SLC2A2: variants seen among roughly 807,000 people sequenced by gnomAD.
SLC2A2 encodes the protein solute carrier family 2, facilitated glucose transporter member 2.
In SLC2A2, 36 loss-of-function variants were observed where a neutral mutation model predicts 54.5. The ratio of observed to expected loss-of-function variants is 0.66; its 90% confidence interval spans 0.51 to 0.87. The LOEUF is 0.87. Ranked by LOEUF, SLC2A2 falls within the 40% of genes least tolerant of loss-of-function variation. The probability of loss-of-function intolerance (pLI) is 0.00; values close to 1 mark genes in which losing one functional copy is unlikely to be tolerated. For synonymous variants in SLC2A2, 223 were observed against 219.1 expected (o/e 1.02, Z -0.16); for missense variants, 543 against 624.3 (o/e 0.87, Z 1.39).
At position 171,021,174 on chromosome 3, in the gene SLC2A2, T is replaced by G. The variant is rs149921082; in HGVS notation, c.16-2551A>C. On this transcript the variant is annotated intron_variant, in intron 1 of 10. Coordinates refer to ENST00000314251, the MANE Select transcript of SLC2A2 (RefSeq NM_000340.2). ...TATTTACTTAGTTGGTGGTTTCTCC[T>G]CAAATCCTTTTTCCCCTCAAGCTAT... Among the ~76,000 whole-genome samples, 259 of 152,296 alleles carry G rather than the reference T, an allele frequency of 1.7e-3. 1 individual carries two copies. The highest frequency in any genetic ancestry group is 6.0e-3 in the African/African-American group (250 of 41,582).
intron 1 of SLC2A2, among the ~76,000 whole-genome samples, chr3:171,020,103 C>A (rs1716382873): frequency 6.6e-6 from 1 of 152,154 alleles, no homozygotes; most frequent in African/African-American, 2.4e-5. Context: ...CAAGCCACTT[C>A]CCTTATAGGA....
intron 4 of SLC2A2, among the ~76,000 whole-genome samples, chr3:171,008,175 A>G (rs969016098): frequency 6.6e-6 from 1 of 152,132 alleles, no homozygotes; most frequent in Non-Finnish European, 1.5e-5. Context: ...TCAAATTGAA[A>G]TGGATGATCT....
chr3:171,005,170 A>C (rs1338762645), intron 7 of SLC2A2, 115 bp downstream of exon 7: 12 of 869,902 alleles, frequency 1.4e-5, no homozygotes, highest in Non-Finnish European at 2.3e-5. Context: ...TGTTATAGCA[A>C]GACCCATGAT....
intron 4 of SLC2A2, among the ~76,000 whole-genome samples, chr3:171,008,220 A>G (rs1715703023): frequency 6.6e-6 from 1 of 152,136 alleles, no homozygotes; most frequent in Admixed American, 6.6e-5. Context: ...TGTTTTCAAA[A>G]TATATTTTTT....
At chr3:171,001,103 C>A (rs1274280237) in intron 8 of SLC2A2, among the ~76,000 whole-genome samples, 1 of 152,008 alleles carries the variant, frequency 6.6e-6, no homozygotes, top group Non-Finnish European at 1.5e-5. Context: ...TCTTAAACAA[C>A]TCCTCCCACA....
rs748683148 is a variant in SLC2A2 at position 171,006,608 on chromosome 3, A to G, written c.613-503T>C. On this transcript the variant is annotated intron_variant, in intron 5 of 10. Coordinates refer to ENST00000314251, the MANE Select transcript of SLC2A2 (RefSeq NM_000340.2). Reference sequence around the variant, plus strand: ...GATGAGAACTGTCTTGGCGATTCCTATGGCAACAGTTTATAGACTACCCTC... The same window carrying G: ...GATGAGAACTGTCTTGGCGATTCCTGTGGCAACAGTTTATAGACTACCCTC... Among the ~76,000 whole-genome samples, 54 of 151,992 alleles carry G rather than the reference A, an allele frequency of 3.6e-4. 1 individual carries two copies. Among genetic ancestry groups the G allele is most frequent in the Non-Finnish European group, 6.2e-4 (42 of 67,950 alleles).
chr3:170,999,680 TA>T (rs1169420138), intron 8 of SLC2A2, among the ~76,000 whole-genome samples: 1 of 152,110 alleles, frequency 6.6e-6, no homozygotes, highest in Non-Finnish European at 1.5e-5. Context: ...TCTCACTGCT[TA>T]ATAAAGTCCT....
At position 171,007,264 on chromosome 3, in the gene SLC2A2, C is replaced by T. The variant is rs754220999; in HGVS notation, c.497-1G>A. 10 of 1,566,440 alleles carry T rather than the reference C, an allele frequency of 6.4e-6. No homozygotes were observed. The highest frequency in any genetic ancestry group is 8.8e-6 in the Non-Finnish European group (10 of 1,137,436). ...ATAGGAACCAGGCCTGAAATTAGCC[C>T]TGCATGAAACATAAACATAAATGTT... On this transcript the variant is annotated splice_acceptor_variant, in intron 4 of 10. Transcript: ENST00000314251. LOFTEE classifies it high-confidence loss of function.
chr3:171,023,807 C>T (rs527525624), intron 1 of SLC2A2, among the ~76,000 whole-genome samples: 5 of 152,290 alleles, frequency 3.3e-5, no homozygotes, highest in Admixed American at 6.5e-5. Flanking sequence ...AGAAGATCTT[C>T]AAGCCTTTTC....
At chr3:171,009,925 G>GTGTGTC in intron 4 of SLC2A2, 33 bp downstream of exon 4, 1 of 1,548,500 alleles carries the variant, frequency 6.5e-7, no homozygotes, top group Non-Finnish European at 8.7e-7. Context: ...GTGTGTGTGT[G>GTGTGTC]TGTGTGTGTG....
At chr3:171,002,191 A>G (rs1715369514) in intron 8 of SLC2A2, among the ~76,000 whole-genome samples, 1 of 151,998 alleles carries the variant, frequency 6.6e-6, no homozygotes, top group Non-Finnish European at 1.5e-5. Flanking sequence ...TAAAAAGAGG[A>G]ATCTAAGTAG....
In SLC2A2 at chr3:170,997,739, T is replaced by TAA; in HGVS notation, c.*162_*163dup. The TAA allele has an allele frequency of 1.5e-6, 1 of 660,752 alleles. No homozygotes were observed. Among genetic ancestry groups the TAA allele is most frequent in the Non-Finnish European group, 2.6e-6 (1 of 387,484 alleles). 40.9% of individuals were successfully genotyped at this position (660,752 alleles called of 1,614,324 possible). On this transcript the variant is annotated 3_prime_UTR_variant, in exon 11 of 11. Coordinates refer to ENST00000314251, the MANE Select transcript of SLC2A2 (RefSeq NM_000340.2). ...ACCATCAAAAATATATTCTCTAACT[T>TAA]AAAAAAATACTTTTTTGGTAATATT...
At chr3:171,009,747 C>T (rs779156175) in intron 4 of SLC2A2, among the ~76,000 whole-genome samples, 7 of 151,950 alleles carry the variant, frequency 4.6e-5, no homozygotes, top group African/African-American at 7.2e-5. Flanking sequence ...TTGCCATGGA[C>T]GAGAACCTTG....
In SLC2A2 at chr3:171,002,503, C is replaced by T. The variant is rs537624254; in HGVS notation, c.1068+73G>A. Reference sequence around the variant, plus strand: ...ATAAGTCATTGATTGCTTTTAGAGCCGAAGTTCCCCACCCCTCCTGCAATT... The same window carrying T: ...ATAAGTCATTGATTGCTTTTAGAGCTGAAGTTCCCCACCCCTCCTGCAATT... On this transcript the variant is annotated intron_variant, in intron 8 of 10. Coordinates refer to ENST00000314251, the MANE Select transcript of SLC2A2 (RefSeq NM_000340.2). The T allele has an allele frequency of 5.7e-5, 54 of 943,220 alleles. No individual in the cohort carries two copies. The Admixed American group carries it at 7.5e-4, about 13-fold the overall frequency. The allele number at this position is 943,220 out of a possible 1,614,324, so 58.4% of individuals were successfully genotyped here. A position where few individuals can be genotyped will look rare whatever the true frequency, so the allele number is the denominator to read the frequency against.
intron 2 of SLC2A2, among the ~76,000 whole-genome samples, chr3:171,015,880 A>G (rs1402187631): frequency 6.6e-6 from 1 of 152,184 alleles, no homozygotes; most frequent in African/African-American, 2.4e-5. Context: ...AATTTCATGG[A>G]GCCATATTTT....
At position 171,014,639 on chromosome 3, in the gene SLC2A2, C is replaced by A; in HGVS notation, c.201G>T (p.Leu67=). The change falls in exon 3 of 11, where the codon CTG becomes CTT. Residue 67 remains leucine, a synonymous_variant. Transcript: ENST00000314251. ...GGTTCATTGAGTATGAGATTGTGGGCAGTTCATCTGTACTGTTGATAACAT... is the reference window on the plus strand; with the variant it reads ...GGTTCATTGAGTATGAGATTGTGGGAAGTTCATCTGTACTGTTGATAACAT... ...NNYVINSTDE[L]PTISYSMNPK... The A allele has an allele frequency of 6.2e-7, 1 of 1,614,070 alleles. No homozygotes were observed.
chr3:171,001,998 C>T (rs927451091), intron 8 of SLC2A2, among the ~76,000 whole-genome samples: 1 of 151,846 alleles, frequency 6.6e-6, no homozygotes, highest in Admixed American at 6.6e-5. Context: ...CACATACTCT[C>T]ATGCATCACC....
chr3:171,017,834 C>G (rs146806476), intron 2 of SLC2A2, among the ~76,000 whole-genome samples: 6 of 152,202 alleles, frequency 3.9e-5, no homozygotes, highest in Non-Finnish European at 5.9e-5. Flanking sequence ...TAGGGATGCA[C>G]GAAATATATG....
Position 171,006,049 on chromosome 3 carries a change from G to C in SLC2A2, c.669C>G (p.Gly223=). 1 of 1,612,576 alleles carries C rather than the reference G, an allele frequency of 6.2e-7. No homozygotes were observed. The highest frequency in any genetic ancestry group is 1.3e-5 in the African/African-American group (1 of 74,934). The change falls in exon 6 of 11, where the codon GGC becomes GGG. Residue 223 remains glycine, a synonymous_variant. Coordinates refer to ENST00000314251, the MANE Select transcript of SLC2A2 (RefSeq NM_000340.2). ...GAAGGATGGCTCGCACACCAGACAG[G>C]CCAAGCAGGATGTGCCACAGATCAT... ...GNYDLWHILL[G]LSGVRAILQS... is the part of the protein sequence containing the mutation.
Sources: allele counts gnomAD v4.1 joint callset (sites outside exome capture counted in the v4.1 genomes callset), GRCh38; gene constraint gnomAD v4.1.1; transcripts MANE v1.5; gene names NCBI Gene and HGNC (gene_info 2026-07-23, HGNC 2026-07-21).